DOK6: variants seen among roughly 807,000 people sequenced by gnomAD.
DOK6 encodes the protein downstream of tyrosine kinase 6.
Under a neutral mutation model 44.0 loss-of-function variants are expected in DOK6, and 22 were observed. The observed-to-expected ratio is 0.50, with a 90% CI of 0.36 to 0.71. DOK6 has a LOEUF of 0.71. Ranked by LOEUF, DOK6 falls within the 30% of genes least tolerant of loss-of-function variation. DOK6 has a pLI of 0.00. For missense variants in DOK6, 340 were observed against 416.4 expected (o/e 0.82, Z 1.60); for synonymous variants, 166 against 145.5 (o/e 1.14, Z -1.01).
intron 1 of DOK6, among the ~76,000 whole-genome samples, chr18:69,426,829 C>T (rs1184962642): frequency 6.6e-6 from 1 of 152,008 alleles, no homozygotes; most frequent in African/African-American, 2.4e-5. Flanking sequence ...TTTTTGTACT[C>T]TCCTTTATTT....
At chr18:69,544,038 C>A (rs1220721911) in intron 1 of DOK6, among the ~76,000 whole-genome samples, 1 of 150,170 alleles carries the variant, frequency 6.7e-6, no homozygotes, top group Non-Finnish European at 1.5e-5. Flanking sequence ...GTGGGTGGAT[C>A]AGGAGGTCAG....
rs1315622461 is a variant in DOK6 at position 69,674,134 on chromosome 18, A to G, written c.290-3600A>G. 2.0e-5 allele frequency among the ~76,000 whole-genome samples: 3 copies of G among 152,360 alleles called. No homozygotes were observed. The East Asian group carries it at 5.8e-4, about 29-fold the overall frequency. On this transcript the variant is annotated intron_variant, in intron 3 of 7. Transcript: ENST00000382713. Reference sequence around the variant, plus strand: ...AAAAATTAACATGCAATGAAAGATTAAAAGACTTCAATACATAGAGCTTGC... The same window carrying G: ...AAAAATTAACATGCAATGAAAGATTGAAAGACTTCAATACATAGAGCTTGC...
intron 7 of DOK6, among the ~76,000 whole-genome samples, chr18:69,809,978 A>G (rs1599337476): frequency 6.6e-6 from 1 of 152,038 alleles, no homozygotes; most frequent in East Asian, 1.9e-4. Flanking sequence ...AATTGAAAAA[A>G]CAATTCTAAA....
intron 1 of DOK6, among the ~76,000 whole-genome samples, chr18:69,454,846 G>A (rs917913377): frequency 6.2e-5 from 9 of 145,342 alleles, no homozygotes; most frequent in African/African-American, 2.0e-4. Flanking sequence ...ACTCATAGGT[G>A]GGAATTGAAC....
intron 4 of DOK6, among the ~76,000 whole-genome samples, chr18:69,692,134 C>T (rs1304069788): frequency 6.6e-6 from 1 of 152,136 alleles, no homozygotes; most frequent in South Asian, 2.1e-4. Flanking sequence ...GGTGATGGAA[C>T]AAGCAGGAAA....
At chr18:69,566,565 T>C (rs1003700828) in intron 2 of DOK6, among the ~76,000 whole-genome samples, 3 of 152,186 alleles carry the variant, frequency 2.0e-5, no homozygotes, top group East Asian at 1.9e-4. Flanking sequence ...ACTATAAGGA[T>C]TGGTAATTTG....
chr18:69,806,283 A>T (rs1382246828), intron 7 of DOK6, among the ~76,000 whole-genome samples: 1 of 151,980 alleles, frequency 6.6e-6, no homozygotes, highest in Non-Finnish European at 1.5e-5. Context: ...AGAAATTCTT[A>T]TTGGAAGATA....
At chr18:69,552,896 C>T (rs1158203721) in intron 1 of DOK6, among the ~76,000 whole-genome samples, 8 of 152,218 alleles carry the variant, frequency 5.3e-5, no homozygotes, top group African/African-American at 1.4e-4. Flanking sequence ...TGTGCACATG[C>T]GCGTGTGCGC....
intron 1 of DOK6, among the ~76,000 whole-genome samples, chr18:69,515,090 A>G (rs1981483986): frequency 6.6e-6 from 1 of 152,134 alleles, no homozygotes; most frequent in South Asian, 2.1e-4. Context: ...TAAGTGTTTA[A>G]CCTATCTCCA....
intron 7 of DOK6, among the ~76,000 whole-genome samples, chr18:69,767,718 A>C (rs968006219): frequency 6.6e-6 from 1 of 152,206 alleles, no homozygotes; most frequent in Non-Finnish European, 1.5e-5. Flanking sequence ...TTCTCGAGCC[A>C]GTTAATACTA....
chr18:69,788,497 A>G (rs1029040311), intron 7 of DOK6, among the ~76,000 whole-genome samples: 5 of 152,152 alleles, frequency 3.3e-5, no homozygotes, highest in Non-Finnish European at 7.4e-5. Context: ...AATGATATGT[A>G]ACACATAAAA....
At chr18:69,631,985 C>G (rs1984701368) in intron 3 of DOK6, among the ~76,000 whole-genome samples, 1 of 152,130 alleles carries the variant, frequency 6.6e-6, no homozygotes, top group Non-Finnish European at 1.5e-5. Context: ...CTTAAGCGTT[C>G]AAATATTCAT....
chr18:69,504,734 C>G (rs138434989), intron 1 of DOK6, among the ~76,000 whole-genome samples: 1 of 152,068 alleles, frequency 6.6e-6, no homozygotes, highest in Non-Finnish European at 1.5e-5. Flanking sequence ...CTACCACATG[C>G]TATCAAAAAA....
intron 2 of DOK6, among the ~76,000 whole-genome samples, chr18:69,595,596 C>G (rs1717463743): frequency 6.6e-6 from 1 of 152,062 alleles, no homozygotes. Flanking sequence ...AAGCTTTGCC[C>G]TAAGTTTGAT....
At chr18:69,809,678 T>A (rs1981163670) in intron 7 of DOK6, among the ~76,000 whole-genome samples, 1 of 151,746 alleles carries the variant, frequency 6.6e-6, no homozygotes, top group South Asian at 2.1e-4. Context: ...AAGTCAGTAG[T>A]GTTTTTATAC....
At chr18:69,538,785 A>G (rs1982189976) in intron 1 of DOK6, among the ~76,000 whole-genome samples, 1 of 151,982 alleles carries the variant, frequency 6.6e-6, no homozygotes, top group African/African-American at 2.4e-5. Flanking sequence ...TGAGAATCTC[A>G]TCCCTTCATT....
At chr18:69,792,783 A>C (rs575978700) in intron 7 of DOK6, among the ~76,000 whole-genome samples, 45 of 152,138 alleles carry the variant, frequency 3.0e-4, no homozygotes, top group Admixed American at 9.2e-4. Context: ...AGTCCTTTGA[A>C]CCTTGTAATT....
intron 7 of DOK6, among the ~76,000 whole-genome samples, chr18:69,789,588 G>A (rs1980533469): frequency 6.6e-6 from 1 of 152,046 alleles, no homozygotes; most frequent in Admixed American, 6.6e-5. Context: ...TAGTGGGGTG[G>A]TAAGCAACTG....
At chr18:69,798,866 C>T (rs184508238) in intron 7 of DOK6, among the ~76,000 whole-genome samples, 2 of 151,978 alleles carry the variant, frequency 1.3e-5, no homozygotes, top group South Asian at 2.1e-4. Context: ...TACTGTTATC[C>T]TTCATAGCAG....
Sources: allele counts gnomAD v4.1 joint callset (sites outside exome capture counted in the v4.1 genomes callset), GRCh38; gene constraint gnomAD v4.1.1; transcripts MANE v1.5; gene names NCBI Gene and HGNC (gene_info 2026-07-23, HGNC 2026-07-21).